The following SCAF8 variants were observed in gnomAD, a reference collection of about 807,000 sequenced individuals.
The protein encoded by SCAF8 is SR-related CTD associated factor 8.
SCAF8 carries 23 observed loss-of-function variants against 140.5 expected under a neutral mutation model. The observed-to-expected ratio is 0.16, with a 90% CI of 0.12 to 0.23. The LOEUF (loss-of-function observed/expected upper bound fraction) is 0.23, where lower values mean the gene tolerates loss of function less well. SCAF8 is among the 10% of genes least tolerant of loss of function. SCAF8 has a pLI of 1.00. For missense variants in SCAF8, 1,397 were observed against 1,555.7 expected, an observed-to-expected ratio of 0.90 and a Z score of 1.72; for synonymous variants, 575 against 528.9, an observed-to-expected ratio of 1.09 and a Z score of -1.20.
chr6:154,830,565 C>CT (rs1778700652), intron 18 of SCAF8, among the ~76,000 whole-genome samples: 1 of 152,274 alleles, frequency 6.6e-6, no homozygotes, highest in Admixed American at 6.5e-5. Context: ...GATTTTCATA[C>CT]TCATACATTT....
chr6:154,824,160 A>G, intron 16 of SCAF8, 74 bp from the exon 17 acceptor site: 1 of 1,440,038 alleles, frequency 6.9e-7, no homozygotes, highest in Non-Finnish European at 9.6e-7. Flanking sequence ...GAGAAATAGA[A>G]TAATTTGCCT....
At chr6:154,740,848 G>A (rs1467338943) in intron 1 of SCAF8, among the ~76,000 whole-genome samples, 1 of 151,974 alleles carries the variant, frequency 6.6e-6, no homozygotes. Flanking sequence ...AGAACTCCTG[G>A]TCTCAAGAGA....
chr6:154,777,438 A>G (rs1776948714), intron 2 of SCAF8, among the ~76,000 whole-genome samples: 1 of 152,108 alleles, frequency 6.6e-6, no homozygotes, highest in Admixed American at 6.5e-5. Context: ...CCGCTGATTC[A>G]TTTTGTCTGA....
chr6:154,792,202 G>A (rs533844810), intron 4 of SCAF8, among the ~76,000 whole-genome samples: 1 of 152,196 alleles, frequency 6.6e-6, no homozygotes, highest in South Asian at 2.1e-4. Context: ...AGAAGAAATG[G>A]TTACGCTTCA....
rs749076389 is a variant in SCAF8, at chr6:154,795,099, C to A, written c.566C>A (p.Ala189Glu). The A allele has an allele frequency of 1.2e-6, 2 of 1,613,164 alleles. No individual in the cohort carries two copies. The highest frequency in any genetic ancestry group is 1.7e-5 in the Admixed American group (1 of 59,860). Reference sequence around the variant, plus strand: ...CAGATAACAAATACAGATACACTTGCGGCTGTAGCTCAGATCTTGCAAAGT... The same window carrying A: ...CAGATAACAAATACAGATACACTTGAGGCTGTAGCTCAGATCTTGCAAAGT... ...VSQITNTDTL[A>E]AVAQILQSPQ... The change falls in exon 6 of 20, where the codon GCG becomes GAG. Residue 189 changes from alanine (A) to glutamate (E), a missense_variant. By Grantham distance (107) the Ala-to-Glu change is moderately radical. Around this residue, in one of 5 missense-constraint regions of SCAF8, gnomAD observed 339 missense variants for 407.5 expected, o/e 0.83. Transcript: ENST00000367178.
In SCAF8 at chr6:154,831,143, A is replaced by G. The variant is rs1424846738; in HGVS notation, c.2359+3A>G. On this transcript the variant is annotated splice_donor_region_variant and intron_variant, in intron 19 of 19. Coordinates refer to ENST00000367178, the MANE Select transcript of SCAF8 (RefSeq NM_014892.5). Reference sequence around the variant, plus strand: ...TTCTGGTGAAAACACCAGATCAGGTAAATAATAATAATAAAATTTAAAAAA... The same window carrying G: ...TTCTGGTGAAAACACCAGATCAGGTGAATAATAATAATAAAATTTAAAAAA... 5 of 1,498,208 alleles carry G rather than the reference A, an allele frequency of 3.3e-6. No individual in the cohort carries two copies. The highest frequency in any genetic ancestry group is 3.6e-6 in the Non-Finnish European group (4 of 1,102,794). 92.8% of individuals were successfully genotyped at this position (1,498,208 alleles called of 1,614,324 possible).
At chr6:154,772,584 G>C (rs886367106) in intron 1 of SCAF8, among the ~76,000 whole-genome samples, 1 of 152,030 alleles carries the variant, frequency 6.6e-6, no homozygotes, top group Non-Finnish European at 1.5e-5. Context: ...AGCTACTTGG[G>C]AGGCTGAGGT....
intron 15 of SCAF8, 102 bp downstream of exon 15, chr6:154,820,435 C>G: frequency 1.1e-6 from 1 of 923,256 alleles, no homozygotes; most frequent in Non-Finnish European, 1.6e-6. Context: ...ATCCTGGATT[C>G]ATCTCCCAAA....
rs1019352469 is a variant in SCAF8 at position 154,747,900 on chromosome 6, G to A, written c.30+13970G>A. 4.1e-3 allele frequency among the ~76,000 whole-genome samples: 339 copies of A among 83,118 alleles called. 1 individual carries two copies. The highest frequency in any genetic ancestry group is 0.018 in the African/African-American group (328 of 17,944). The allele number at this position is 83,118 out of a possible 152,430, so 54.5% of individuals were successfully genotyped here. The stretch of plus-strand genomic sequence containing the variant: ...CATGGAGTTTACATTTCATTTCTGT[G>A]TGTGTGTGTGTGTGTGTGTGTGTGT... On this transcript the variant is annotated intron_variant, in intron 1 of 19. Coordinates refer to ENST00000367178, the MANE Select transcript of SCAF8 (RefSeq NM_014892.5).
In SCAF8 at chr6:154,733,669, C is replaced by T. The variant is rs1778323035; in HGVS notation, c.-232C>T. ...CCCGCCCCGGCAGCGCCTCTGTTCC[C>T]TAGAACGGCGCTCCCCCCGCCCTAG... On this transcript the variant is annotated 5_prime_UTR_variant, in exon 1 of 20. Transcript: ENST00000367178. 1 of 1,308,532 alleles carries T rather than the reference C, an allele frequency of 7.6e-7. No homozygotes were observed. The highest frequency in any genetic ancestry group is 9.7e-7 in the Non-Finnish European group (1 of 1,032,602). The allele number at this position is 1,308,532 out of a possible 1,614,324, so 81.1% of individuals were successfully genotyped here.
At chr6:154,735,217 C>T (rs763184920) in intron 1 of SCAF8, among the ~76,000 whole-genome samples, 38 of 151,476 alleles carry the variant, frequency 2.5e-4, no homozygotes, top group Non-Finnish European at 4.7e-4. Flanking sequence ...ATACTTTATT[C>T]GATACTATGA....
At chr6:154,827,064 TGTA>T (rs1189974328) in intron 17 of SCAF8, 105 bp from the exon 18 acceptor site, 1 of 847,530 alleles carries the variant, frequency 1.2e-6, no homozygotes, top group African/African-American at 1.8e-5. Context: ...AATATGAGGT[TGTA>T]GTCCATTTTA....
intron 14 of SCAF8, among the ~76,000 whole-genome samples, chr6:154,819,230 T>G (rs1778344414): frequency 1.3e-5 from 2 of 152,188 alleles, no homozygotes. Flanking sequence ...CTTTTTTCAT[T>G]CATGACTGAG....
At chr6:154,808,326 TC>T in intron 10 of SCAF8, 125 bp downstream of exon 10, 1 of 1,015,282 alleles carries the variant, frequency 9.8e-7, no homozygotes, top group Middle Eastern at 3.0e-4. Flanking sequence ...TGTAATTGTT[TC>T]ACCTATTAGG....
intron 1 of SCAF8, among the ~76,000 whole-genome samples, chr6:154,763,960 G>A (rs9397202): frequency 0.61 from 93,232 of 152,062 alleles, 31,626 homozygotes; most frequent in East Asian, 0.91. Context: ...GGCCCTTTGA[G>A]GAAAAGGTTT....
chr6:154,770,560 C>T (rs1776727581), intron 1 of SCAF8, among the ~76,000 whole-genome samples: 2 of 151,406 alleles, frequency 1.3e-5, no homozygotes, highest in African/African-American at 4.9e-5. Flanking sequence ...GGTGACAAAG[C>T]AAGACCCTGT....
At chr6:154,791,972 TCTGCTTGCCAGTGG>T (rs1438267908) in intron 4 of SCAF8, among the ~76,000 whole-genome samples, 3 of 151,984 alleles carry the variant, frequency 2.0e-5, no homozygotes, top group Non-Finnish European at 4.4e-5. Context: ...ATGTCAAAAG[TCTGCTTGCCAGTGG>T]CAAGCAGGTT....
Position 154,832,095 on chromosome 6 carries a change from G to A in SCAF8, c.2516G>A (p.Gly839Glu). Residue 839 changes from glycine to glutamate, a missense_variant, in exon 20 of 20, where the codon GGG (glycine) becomes GAG (glutamate). Transcript: ENST00000367178. ...CCATCTAATGTTTCCAGTAGTTCTGGGATTATTGCAGCCCAACCACCAAAT... is the reference window on the plus strand; with the variant it reads ...CCATCTAATGTTTCCAGTAGTTCTGAGATTATTGCAGCCCAACCACCAAAT... ...VRPSNVSSSS[G>E]IIAAQPPNIL... 6.2e-7 allele frequency: 1 copy of A among 1,613,922 alleles called. No homozygotes were observed. Among genetic ancestry groups the A allele is most frequent in the Non-Finnish European group, 8.5e-7 (1 of 1,179,966 alleles).
chr6:154,761,697 T>C (rs1776406888), intron 1 of SCAF8, among the ~76,000 whole-genome samples: 1 of 152,188 alleles, frequency 6.6e-6, no homozygotes, highest in South Asian at 2.1e-4. Flanking sequence ...TCATTAGAAG[T>C]TAACCAAAGC....
Sources: allele counts gnomAD v4.1 joint callset (sites outside exome capture counted in the v4.1 genomes callset), GRCh38; gene constraint gnomAD v4.1.1; regional missense constraint gnomAD v4.1.1; transcripts MANE v1.5; gene names NCBI Gene and HGNC (gene_info 2026-07-23, HGNC 2026-07-21).